Variants in TMEM182 observed in about 807,000 individuals in gnomAD.
The protein encoded by TMEM182 is transmembrane protein 182.
TMEM182 carries 20 observed loss-of-function variants against 26.8 expected under a neutral mutation model. The observed-to-expected ratio is 0.75, with a 90% CI of 0.53 to 1.09. TMEM182 has a LOEUF of 1.09. Among genes scored for constraint, TMEM182 ranks in the 50% least tolerant of loss-of-function variants. The pLI is 0.00. For synonymous variants in TMEM182, 109 were observed against 102.2 expected (o/e 1.07, Z -0.40); for missense variants, 277 against 275.5 (o/e 1.01, Z -0.04).
At chr2:102,822,149 T>A (rs889727013), downstream of TMEM182, among the ~76,000 whole-genome samples, 1 of 151,914 alleles carries the variant, frequency 6.6e-6, no homozygotes, top group African/African-American at 2.4e-5. Flanking sequence ...TTAAAAACAG[T>A]TAGATTAGGC....
At chr2:102,810,218 T>C (rs1682501827) in intron 4 of TMEM182, among the ~76,000 whole-genome samples, 1 of 152,216 alleles carries the variant, frequency 6.6e-6, no homozygotes, top group African/African-American at 2.4e-5. Flanking sequence ...AAAAAAGTTT[T>C]CATTTCTCGG....
At chr2:102,786,369 C>A (rs113146324) in intron 3 of TMEM182, among the ~76,000 whole-genome samples, 4 of 152,160 alleles carry the variant, frequency 2.6e-5, no homozygotes, top group African/African-American at 4.8e-5. Context: ...CGCCTGCCAC[C>A]GCACCTGGCT....
intron 4 of TMEM182, among the ~76,000 whole-genome samples, chr2:102,813,904 C>T (rs886731786): frequency 6.6e-6 from 1 of 151,858 alleles, no homozygotes; most frequent in Non-Finnish European, 1.5e-5. Flanking sequence ...CTCTGTCCCT[C>T]CTTCCTTCCT....
At chr2:102,788,813 A>C (rs899158586) in intron 3 of TMEM182, among the ~76,000 whole-genome samples, 1 of 152,122 alleles carries the variant, frequency 6.6e-6, no homozygotes, top group East Asian at 1.9e-4. Flanking sequence ...GTGGGAGGTT[A>C]ATAAACTTCA....
chr2:102,834,446 G>A, intron 3 of TMEM182: 5 of 985,358 alleles, frequency 5.1e-6, no homozygotes, highest in Non-Finnish European at 6.0e-6. Flanking sequence ...GAAGTGGAAT[G>A]TAAAAACGTC....
At chr2:102,742,315 T>C (rs1023887727) in intron 1 of TMEM182, among the ~76,000 whole-genome samples, 5 of 152,094 alleles carry the variant, frequency 3.3e-5, no homozygotes, top group African/African-American at 9.7e-5. Flanking sequence ...GTTAGGTCAA[T>C]AGAAAATTCC....
intron 3 of TMEM182, among the ~76,000 whole-genome samples, chr2:102,786,209 T>G (rs866740675): frequency 4.2e-4 from 54 of 128,306 alleles, no homozygotes; most frequent in African/African-American, 1.6e-3. Flanking sequence ...CTCAGCAATC[T>G]GTTTTTTTTT....
At chr2:102,771,255 C>T (rs1485904073) in intron 3 of TMEM182, among the ~76,000 whole-genome samples, 2 of 152,094 alleles carry the variant, frequency 1.3e-5, no homozygotes, top group South Asian at 2.1e-4. Flanking sequence ...TGCTGGTATT[C>T]GTTCAGACAT....
intron 1 of TMEM182, among the ~76,000 whole-genome samples, chr2:102,745,466 C>G (rs1350128104): frequency 6.6e-6 from 1 of 152,088 alleles, no homozygotes; most frequent in Non-Finnish European, 1.5e-5. Context: ...CTCTCCCTCT[C>G]TTTCCAACAT....
chr2:102,770,305 T>C (rs574758805), intron 3 of TMEM182, among the ~76,000 whole-genome samples: 2 of 152,274 alleles, frequency 1.3e-5, no homozygotes, highest in East Asian at 1.9e-4. Flanking sequence ...GCAAAAGTTC[T>C]TGGGGCCCAG....
chr2:102,741,345 G>C (rs377566306), intron 1 of TMEM182, among the ~76,000 whole-genome samples: 4 of 152,116 alleles, frequency 2.6e-5, no homozygotes, highest in Non-Finnish European at 2.9e-5. Flanking sequence ...TGGATGTTAC[G>C]TACAGAAGAT....
At chr2:102,761,664 T>C (rs894739913), upstream of TMEM182, among the ~76,000 whole-genome samples, 2 of 152,234 alleles carry the variant, frequency 1.3e-5, no homozygotes, top group Admixed American at 6.5e-5. Context: ...CAACTTCAAT[T>C]GTGTTCAAGA....
chr2:102,824,893 C>T (rs1229347383), intron 3 of TMEM182, among the ~76,000 whole-genome samples: 1 of 152,142 alleles, frequency 6.6e-6, no homozygotes, highest in East Asian at 1.9e-4. Context: ...TTGAAAGTTT[C>T]CTGAGGCTTC....
chr2:102,794,056 C>T (rs748209394), intron 3 of TMEM182, among the ~76,000 whole-genome samples: 1 of 152,062 alleles, frequency 6.6e-6, no homozygotes, highest in South Asian at 2.1e-4. Flanking sequence ...TATGACAGAG[C>T]AAGACTCTGT....
chr2:102,763,978 T>A (rs1288254447), intron 2 of TMEM182, among the ~76,000 whole-genome samples: 1 of 152,202 alleles, frequency 6.6e-6, no homozygotes, highest in Non-Finnish European at 1.5e-5. Context: ...AAACAATTAT[T>A]TTTTATTCCC....
chr2:102,777,919 C>T (rs917834509), intron 3 of TMEM182, among the ~76,000 whole-genome samples: 3 of 151,752 alleles, frequency 2.0e-5, no homozygotes, highest in African/African-American at 7.3e-5. Flanking sequence ...ATTTGTTTTA[C>T]AGCTTGGGAT....
intron 3 of TMEM182, among the ~76,000 whole-genome samples, chr2:102,833,076 G>A (rs1683180665): frequency 6.6e-6 from 1 of 152,168 alleles, no homozygotes; most frequent in Non-Finnish European, 1.5e-5. Context: ...AAAAGAGTCA[G>A]TGCCTTTGCC....
intron 3 of TMEM182, among the ~76,000 whole-genome samples, chr2:102,765,204 T>C (rs1207731147): frequency 2.0e-5 from 3 of 150,414 alleles, no homozygotes; most frequent in Non-Finnish European, 3.0e-5. Flanking sequence ...ACATAGAGAG[T>C]GAGAGAGAGT....
intron 3 of TMEM182, among the ~76,000 whole-genome samples, chr2:102,830,091 A>T (rs1467411888): frequency 6.6e-6 from 1 of 152,182 alleles, no homozygotes; most frequent in East Asian, 1.9e-4. Context: ...CTAAGAGTTT[A>T]TGTCTTCTGC....
Sources: allele counts gnomAD v4.1 joint callset (sites outside exome capture counted in the v4.1 genomes callset), GRCh38; gene constraint gnomAD v4.1.1; transcripts MANE v1.5; gene names NCBI Gene and HGNC (gene_info 2026-07-23, HGNC 2026-07-21).